Variants in MCTP1 observed in about 807,000 individuals in gnomAD.
MCTP1 encodes the protein multiple C2 and transmembrane domain containing 1.
Under a neutral mutation model 120.6 loss-of-function variants are expected in MCTP1, and 69 were observed. That is an observed-to-expected ratio of 0.57 (90% CI 0.47 to 0.70). The LOEUF (loss-of-function observed/expected upper bound fraction) is 0.70. Ranked by LOEUF, MCTP1 falls within the 30% of genes least tolerant of loss-of-function variation. The pLI is 0.00. For synonymous variants in MCTP1, 529 were observed against 493.1 expected, an observed-to-expected ratio of 1.07 and a Z score of -0.96; for missense variants, 1,203 against 1,248.8, an observed-to-expected ratio of 0.96 and a Z score of 0.55.
chr5:95,000,911 T>C (rs1046254438), intron 2 of MCTP1, among the ~76,000 whole-genome samples: 2 of 152,228 alleles, frequency 1.3e-5, no homozygotes, highest in Non-Finnish European at 1.5e-5. Context: ...CCTATACAGG[T>C]TGATATTGTT....
At chr5:95,231,209 A>G (rs1026421316) in intron 1 of MCTP1, among the ~76,000 whole-genome samples, 9 of 152,180 alleles carry the variant, frequency 5.9e-5, no homozygotes, top group African/African-American at 2.2e-4. Context: ...AGCTCTATAC[A>G]CTTAGAATAT....
intron 2 of MCTP1, among the ~76,000 whole-genome samples, chr5:94,960,523 T>G (rs1445598871): frequency 6.6e-6 from 1 of 152,162 alleles, no homozygotes; most frequent in East Asian, 1.9e-4. Flanking sequence ...TCTATCCATC[T>G]GACAAAGGGC....
chr5:95,151,852 G>A (rs761306163), intron 1 of MCTP1, among the ~76,000 whole-genome samples: 5 of 152,056 alleles, frequency 3.3e-5, no homozygotes, highest in Admixed American at 1.3e-4. Flanking sequence ...TAAAGAAGCC[G>A]GCACTCCCAA....
intron 17 of MCTP1, among the ~76,000 whole-genome samples, chr5:94,841,133 C>T (rs1933850603): frequency 1.3e-5 from 2 of 152,128 alleles, no homozygotes; most frequent in African/African-American, 4.8e-5. Flanking sequence ...GTAGGTGTGC[C>T]CTTCCCTTGT....
At chr5:95,096,461 T>C (rs1171433881) in intron 1 of MCTP1, among the ~76,000 whole-genome samples, 1 of 152,080 alleles carries the variant, frequency 6.6e-6, no homozygotes, top group African/African-American at 2.4e-5. Context: ...AGAGTGATTA[T>C]AGGCTACCTA....
intron 1 of MCTP1, among the ~76,000 whole-genome samples, chr5:95,041,502 A>G (rs1221039992): frequency 6.6e-6 from 1 of 152,120 alleles, no homozygotes; most frequent in East Asian, 1.9e-4. Context: ...TTTTAAACAC[A>G]CATCGATCTA....
intron 1 of MCTP1, among the ~76,000 whole-genome samples, chr5:95,049,501 C>T (rs150696751): frequency 0.01 from 1,591 of 152,126 alleles, 8 homozygotes; most frequent in Non-Finnish European, 0.015. Flanking sequence ...AAAATCGCAT[C>T]CTGAGGCACT....
At chr5:94,793,853 A>T (rs1039721272) in intron 18 of MCTP1, among the ~76,000 whole-genome samples, 1 of 152,220 alleles carries the variant, frequency 6.6e-6, no homozygotes, top group South Asian at 2.1e-4. Flanking sequence ...GGACCATCCC[A>T]AACTGTTCAA....
chr5:95,089,966 T>C (rs1238479823), intron 1 of MCTP1, among the ~76,000 whole-genome samples: 1 of 152,228 alleles, frequency 6.6e-6, no homozygotes, highest in Non-Finnish European at 1.5e-5. Context: ...GATTGAATTC[T>C]CGACACAGCC....
chr5:94,756,538 G>A (rs1374333228), intron 19 of MCTP1, among the ~76,000 whole-genome samples: 4 of 152,174 alleles, frequency 2.6e-5, no homozygotes, highest in Non-Finnish European at 5.9e-5. Flanking sequence ...GTGAATAGGC[G>A]ATAAGAATGA....
intron 1 of MCTP1, among the ~76,000 whole-genome samples, chr5:95,150,741 C>T (rs1760817321): frequency 1.3e-5 from 2 of 152,054 alleles, no homozygotes; most frequent in South Asian, 4.2e-4. Context: ...AAGGCTATAA[C>T]ATCTAAAAAT....
intron 5 of MCTP1, among the ~76,000 whole-genome samples, chr5:94,937,543 G>A (rs1219130830): frequency 6.6e-6 from 1 of 151,992 alleles, no homozygotes; most frequent in Non-Finnish European, 1.5e-5. Flanking sequence ...CTAATGATCA[G>A]CTCCCAGGCA....
intron 19 of MCTP1, among the ~76,000 whole-genome samples, chr5:94,736,251 G>T (rs1764204950): frequency 6.6e-6 from 1 of 152,196 alleles, no homozygotes; most frequent in Non-Finnish European, 1.5e-5. Context: ...CACTTTGGGA[G>T]GCTGAGGCAG....
At chr5:95,029,069 G>A (rs1346749542) in intron 1 of MCTP1, among the ~76,000 whole-genome samples, 1 of 150,344 alleles carries the variant, frequency 6.7e-6, no homozygotes, top group African/African-American at 2.4e-5. Context: ...TGAGGCAGGA[G>A]AATTTTGATC....
chr5:95,251,908 C>A (rs255991), intron 1 of MCTP1, among the ~76,000 whole-genome samples: 19,017 of 151,858 alleles, frequency 0.13, 1,489 homozygotes, highest in Non-Finnish European at 0.18. Flanking sequence ...GTGTTGAGTG[C>A]ATATAATTAA....
chr5:95,284,297 G>A lies in MCTP1; in HGVS notation c.279C>T (p.Ser93=), dbSNP rs749784718. 6.3e-7 allele frequency: 1 copy of A among 1,597,428 alleles called. No individual in the cohort carries two copies. Among genetic ancestry groups the A allele is most frequent in the Non-Finnish European group, 8.5e-7 (1 of 1,179,092 alleles). Residue 93 remains serine, a synonymous_variant, in exon 1 of 23, where the codon TCC becomes TCT. Transcript: ENST00000515393. The surrounding 1 kb of genome is among the most constrained non-coding windows in gnomAD (Gnocchi z 5.2). Reference sequence around the variant, plus strand: ...AGCAGCACAGGTTGGGCTGCGAGGAGGAGAAGACTCGGTCCAGCACTTGCT... The same window carrying A: ...AGCAGCACAGGTTGGGCTGCGAGGAAGAGAAGACTCGGTCCAGCACTTGCT... The part of the protein sequence containing the change: ...KRKQVLDRVF[S]SSQPNLCCSS...
At chr5:94,836,257 G>A (rs1371786657) in intron 17 of MCTP1, among the ~76,000 whole-genome samples, 1 of 150,600 alleles carries the variant, frequency 6.6e-6, no homozygotes, top group Non-Finnish European at 1.5e-5. Flanking sequence ...GTGAGTGAAA[G>A]GATAAACCCA....
intron 2 of MCTP1, among the ~76,000 whole-genome samples, chr5:95,009,194 T>C (rs1443220547): frequency 2.0e-5 from 3 of 152,042 alleles, no homozygotes; most frequent in Admixed American, 6.6e-5. Context: ...GTTTTAAGCC[T>C]CCAAGTTTGG....
chr5:94,802,801 A>G (rs1445419753), intron 17 of MCTP1, among the ~76,000 whole-genome samples: 1 of 152,222 alleles, frequency 6.6e-6, no homozygotes, highest in Non-Finnish European at 1.5e-5. Flanking sequence ...AAAATAAACC[A>G]TAAAATGTCT....
Sources: allele counts gnomAD v4.1 joint callset (sites outside exome capture counted in the v4.1 genomes callset), GRCh38; gene constraint gnomAD v4.1.1; non-coding constraint Gnocchi (gnomAD v3.1); transcripts MANE v1.5; gene names NCBI Gene and HGNC (gene_info 2026-07-23, HGNC 2026-07-21).